The following JAM3 variants were observed in gnomAD, a reference collection of about 807,000 sequenced individuals.
JAM3 encodes the protein junctional adhesion molecule 3, also known as junctional adhesion molecule C.
A neutral mutation model predicts 39.4 loss-of-function variants in JAM3; 31 were observed. That is an observed-to-expected ratio of 0.79 (90% CI 0.59 to 1.06). The LOEUF is 1.06. Among genes scored for constraint, JAM3 ranks in the 50% least tolerant of loss-of-function variants. The pLI is 0.00. For synonymous variants in JAM3, 182 were observed against 148.7 expected (o/e 1.22, Z -1.63); for missense variants, 455 against 391.4 (o/e 1.16, Z -1.37).
chr11:134,089,464 G>A lies in JAM3; in HGVS notation c.76+20305G>A, dbSNP rs553714339. Among the ~76,000 whole-genome samples, 200 of 151,854 alleles carry A rather than the reference G, an allele frequency of 1.3e-3. 1 individual carries two copies. The highest frequency in any genetic ancestry group is 1.4e-3 in the Admixed American group (22 of 15,256). On this transcript the variant is annotated intron_variant, in intron 1 of 8. Coordinates refer to ENST00000299106, the MANE Select transcript of JAM3 (RefSeq NM_032801.5). ...CTCCAAATGCTATCCCCCCATCCCTGTACCCCACAACAGGCCCCGGTGTTT... is the reference window on the plus strand; with the variant it reads ...CTCCAAATGCTATCCCCCCATCCCTATACCCCACAACAGGCCCCGGTGTTT...
At chr11:134,144,597 A>G (rs140665875) in intron 4 of JAM3, among the ~76,000 whole-genome samples, 195 bp from the exon 5 acceptor site, 395 of 152,268 alleles carry the variant, frequency 2.6e-3, no homozygotes, top group Admixed American at 5.8e-3. Flanking sequence ...TCCACCAGCT[A>G]GAGGAGGCGC....
At position 134,145,972 on chromosome 11, in the gene JAM3, C is replaced by T. The variant is rs148216858; in HGVS notation, c.639C>T (p.Asp213=). Residue 213 remains aspartate, a synonymous_variant, in exon 6 of 9, where the codon GAC becomes GAT. Coordinates refer to ENST00000299106, the MANE Select transcript of JAM3 (RefSeq NM_032801.5). ...TLVFTAVHKD[D]SGQYYCIASN... ...TGTTCACTGCTGTTCACAAGGACGA[C>T]TCTGGGCAGTACTACTGCATTGCTT... 1 of 1,613,836 alleles carries T rather than the reference C, an allele frequency of 6.2e-7. No individual in the cohort carries two copies. The highest frequency in any genetic ancestry group is 8.5e-7 in the Non-Finnish European group (1 of 1,179,688).
intron 1 of JAM3, among the ~76,000 whole-genome samples, chr11:134,084,917 C>T (rs1941724309): frequency 6.6e-6 from 1 of 152,126 alleles, no homozygotes; most frequent in Non-Finnish European, 1.5e-5. Flanking sequence ...TTTTCCCAGC[C>T]AAGGGAACTT....
chr11:134,106,767 C>G (rs637517), intron 1 of JAM3, among the ~76,000 whole-genome samples: 67,323 of 152,094 alleles, frequency 0.44, 17,603 homozygotes, highest in African/African-American at 0.74. Context: ...AAATGCACAT[C>G]AAAACCACAA....
chr11:134,141,498 G>A (rs1251884694), intron 3 of JAM3, among the ~76,000 whole-genome samples: 3 of 152,106 alleles, frequency 2.0e-5, no homozygotes, highest in East Asian at 1.9e-4. Context: ...CAGGCAGACT[G>A]CACTGAATGC....
chr11:134,090,901 T>G (rs946843108), intron 1 of JAM3, among the ~76,000 whole-genome samples: 2 of 152,206 alleles, frequency 1.3e-5, no homozygotes, highest in African/African-American at 4.8e-5. Flanking sequence ...GTCCCAAACT[T>G]GAGTTTGCAA....
rs1943122946 is a variant in JAM3 at position 134,148,584 on chromosome 11, G to T, written c.750G>T (p.Leu250=). The change falls in exon 7 of 9, where the codon CTG becomes CTT. Residue 250 remains leucine, a synonymous_variant. Coordinates refer to ENST00000299106, the MANE Select transcript of JAM3 (RefSeq NM_032801.5). ...TTGGCGGAATTATTGGGGGGGTTCT[G>T]GTTGTCCTTGCTGTACTGGCCCTGA... The part of the protein sequence containing the change: ...LNIGGIIGGV[L]VVLAVLALIT... 3.1e-6 allele frequency: 5 copies of T among 1,614,134 alleles called. No individual in the cohort carries two copies. The highest frequency in any genetic ancestry group is 1.6e-4 in the Middle Eastern group (1 of 6,062).
chr11:134,122,875 G>T (rs534647462), intron 1 of JAM3, among the ~76,000 whole-genome samples: 1 of 152,328 alleles, frequency 6.6e-6, no homozygotes, highest in East Asian at 1.9e-4. Flanking sequence ...GCCCACAATT[G>T]TACAGGGTGT....
intron 1 of JAM3, among the ~76,000 whole-genome samples, chr11:134,126,839 A>T (rs1365292768): frequency 1.3e-5 from 2 of 152,218 alleles, no homozygotes; most frequent in African/African-American, 2.4e-5. Flanking sequence ...CCCACTGATT[A>T]TTAGCTGTTT....
At chr11:134,146,167 T>G in intron 6 of JAM3, 122 bp downstream of exon 6, 1 of 757,918 alleles carries the variant, frequency 1.3e-6, no homozygotes, top group Non-Finnish European at 2.3e-6. Context: ...CTTCTGGAGC[T>G]GCCTAGGTCC....
intron 1 of JAM3, among the ~76,000 whole-genome samples, chr11:134,094,413 A>C (rs865920101): frequency 2.7e-4 from 29 of 107,776 alleles, no homozygotes; most frequent in African/African-American, 4.3e-4. Context: ...TTCCACCTTA[A>C]ATGTGACTTC....
intron 1 of JAM3, among the ~76,000 whole-genome samples, chr11:134,100,559 C>T (rs539305113): frequency 6.6e-6 from 1 of 152,310 alleles, no homozygotes; most frequent in African/African-American, 2.4e-5. Flanking sequence ...TTCCCAACTG[C>T]TAGTGAGCTC....
Position 134,149,894 on chromosome 11 carries a change from T to C in JAM3, c.*713T>C, listed in dbSNP as rs1161942358. The C allele has an allele frequency of 4.7e-6, 1 of 213,524 alleles. No homozygotes were observed. Among genetic ancestry groups the C allele is most frequent in the African/African-American group, 2.3e-5 (1 of 42,778 alleles). The allele number at this position is 213,524 out of a possible 1,614,324, so 13.2% of individuals were successfully genotyped here. On this transcript the variant is annotated 3_prime_UTR_variant, in exon 9 of 9. Coordinates refer to ENST00000299106, the MANE Select transcript of JAM3 (RefSeq NM_032801.5). Reference sequence around the variant, plus strand: ...CTGAAATGGTACTGAAATATGCTTTTCTATGGGTCTTGTTTATTTTATAAA... The same window carrying C: ...CTGAAATGGTACTGAAATATGCTTTCCTATGGGTCTTGTTTATTTTATAAA...
In JAM3 at chr11:134,121,821, GCA is replaced by G. The variant is rs1555117431; in HGVS notation, c.77-18000_77-17999del. ...TGATGGACACTGCGTGCATGTGTGC[GCA>G]CACACACACACACACACACACACAC... On this transcript the variant is annotated intron_variant, in intron 1 of 8. Coordinates refer to ENST00000299106, the MANE Select transcript of JAM3 (RefSeq NM_032801.5). 9.8e-3 allele frequency among the ~76,000 whole-genome samples: 1,447 copies of G among 147,956 alleles called. 16 individuals are homozygous for G. The highest frequency in any genetic ancestry group is 0.025 in the African/African-American group (1,021 of 40,626).
At chr11:134,131,627 T>C (rs1170509583) in intron 1 of JAM3, among the ~76,000 whole-genome samples, 1 of 152,200 alleles carries the variant, frequency 6.6e-6, no homozygotes, top group Admixed American at 6.5e-5. Flanking sequence ...ATATTGGACT[T>C]ATTAGCCAAA....
chr11:134,117,249 C>T (rs1480979218), intron 1 of JAM3, among the ~76,000 whole-genome samples: 1 of 152,040 alleles, frequency 6.6e-6, no homozygotes, highest in African/African-American at 2.4e-5. Context: ...TGGTGGTGGG[C>T]ACCTGTAATC....
intron 1 of JAM3, among the ~76,000 whole-genome samples, chr11:134,100,148 G>A (rs1262459642): frequency 1.3e-5 from 2 of 151,926 alleles, no homozygotes; most frequent in South Asian, 2.1e-4. Flanking sequence ...GTACTTTGAG[G>A]TGAATCCCCC....
chr11:134,135,187 T>C (rs1029744317), intron 1 of JAM3, among the ~76,000 whole-genome samples: 1 of 152,248 alleles, frequency 6.6e-6, no homozygotes, highest in Non-Finnish European at 1.5e-5. Flanking sequence ...TAAGCTAATT[T>C]CTGTATTTGA....
At chr11:134,137,330 G>T (rs1030126758) in intron 1 of JAM3, among the ~76,000 whole-genome samples, 3 of 152,184 alleles carry the variant, frequency 2.0e-5, no homozygotes, top group Non-Finnish European at 4.4e-5. Context: ...TAGTTCACCT[G>T]TTGTTACCAA....
Sources: gnomAD v4.1 joint callset for allele counts (sites outside exome capture counted in the v4.1 genomes callset) on GRCh38, gnomAD v4.1.1 for gene constraint, MANE v1.5 for transcripts, NCBI Gene and HGNC (gene_info 2026-07-23, HGNC 2026-07-21) for gene names.